Variants in ANKS1B observed in about 807,000 individuals in gnomAD.
ANKS1B encodes the protein ankyrin repeat and sterile alpha motif domain-containing protein 1B.
In ANKS1B, 36 loss-of-function variants were observed where a neutral mutation model predicts 148.3. The observed-to-expected ratio is 0.24, with a 90% confidence interval of 0.19 to 0.32. The LOEUF is 0.32. Among genes scored for constraint, ANKS1B ranks in the 10% least tolerant of loss-of-function variants. ANKS1B has a pLI of 1.00. For synonymous variants in ANKS1B, 542 were observed against 560.8 expected, an observed-to-expected ratio of 0.97 and a Z score of 0.47; for missense variants, 1,157 against 1,542.6, an observed-to-expected ratio of 0.75 and a Z score of 4.19.
chr12:99,824,342 A>G (rs940491891), intron 2 of ANKS1B, among the ~76,000 whole-genome samples: 5 of 152,082 alleles, frequency 3.3e-5, no homozygotes, highest in Non-Finnish European at 1.5e-5. Flanking sequence ...TCTACTAAAA[A>G]TACAAAAATT....
intron 1 of ANKS1B, among the ~76,000 whole-genome samples, chr12:99,848,348 A>C (rs1452672019): frequency 2.0e-5 from 3 of 152,208 alleles, no homozygotes; most frequent in Admixed American, 6.5e-5. Context: ...GAGAAAGAAC[A>C]GACCATGTAT....
At chr12:99,407,830 C>T (rs567624142) in intron 11 of ANKS1B, among the ~76,000 whole-genome samples, 2 of 145,618 alleles carry the variant, frequency 1.4e-5, no homozygotes, top group South Asian at 2.1e-4. Flanking sequence ...ACTATAAACA[C>T]GGATGAAAGA....
chr12:98,889,672 G>C (rs897754175), intron 17 of ANKS1B, among the ~76,000 whole-genome samples: 1 of 152,190 alleles, frequency 6.6e-6, no homozygotes, highest in African/African-American at 2.4e-5. Context: ...AGCTGCAGAA[G>C]TTTCTGGTTT....
intron 25 of ANKS1B, among the ~76,000 whole-genome samples, chr12:98,761,662 G>A (rs967777587): frequency 7.2e-5 from 11 of 152,262 alleles, no homozygotes; most frequent in South Asian, 2.1e-4. Flanking sequence ...TCTTCAATCC[G>A]TTATGGAATG....
intron 12 of ANKS1B, among the ~76,000 whole-genome samples, chr12:99,306,376 A>T (rs2082341009): frequency 6.6e-6 from 1 of 152,048 alleles, no homozygotes; most frequent in Non-Finnish European, 1.5e-5. Context: ...TTTACTAGGC[A>T]GGTTTTTCCA....
At chr12:98,742,270 T>A (rs902231200), downstream of ANKS1B, among the ~76,000 whole-genome samples, 1 of 152,036 alleles carries the variant, frequency 6.6e-6, no homozygotes, top group African/African-American at 2.4e-5. Context: ...GAAGGATGTC[T>A]TATTTCAGCC....
chr12:98,786,230 A>G (rs1233319434), intron 22 of ANKS1B, among the ~76,000 whole-genome samples: 2 of 152,250 alleles, frequency 1.3e-5, no homozygotes, highest in Non-Finnish European at 2.9e-5. Context: ...ATATTTAGTT[A>G]TATAGAGATG....
chr12:99,666,302 A>C (rs1048730233), intron 8 of ANKS1B, among the ~76,000 whole-genome samples: 2 of 152,230 alleles, frequency 1.3e-5, no homozygotes, highest in Non-Finnish European at 2.9e-5. Flanking sequence ...TATAAATTTT[A>C]GAGTAAGCTG....
In ANKS1B at chr12:99,770,749, C is replaced by G. The variant is rs576731404; in HGVS notation, c.1128+2173G>C. Among the ~76,000 whole-genome samples, 4 of 152,112 alleles carry G rather than the reference C, an allele frequency of 2.6e-5. 1 individual carries two copies. The South Asian group carries it at 6.2e-4, about 24-fold the overall frequency. On this transcript the variant is annotated intron_variant, in intron 8 of 26. Transcript: ENST00000683438. ...GACCTGACCTCAAACTACACTTCTACTCTCTCATCTTTCCCCTTTGTAAAC... is the reference window on the plus strand; with the variant it reads ...GACCTGACCTCAAACTACACTTCTAGTCTCTCATCTTTCCCCTTTGTAAAC...
chr12:98,948,917 T>G (rs1408118680), intron 17 of ANKS1B, among the ~76,000 whole-genome samples: 6 of 149,210 alleles, frequency 4.0e-5, no homozygotes, highest in Admixed American at 2.7e-4. Context: ...ATGGATATCT[T>G]CCAAAGGGGT....
chr12:98,869,901 T>C (rs2099644504), intron 17 of ANKS1B, among the ~76,000 whole-genome samples: 1 of 152,190 alleles, frequency 6.6e-6, no homozygotes, highest in Non-Finnish European at 1.5e-5. Context: ...TAAAACCTTC[T>C]GTTTCACATG....
At chr12:99,150,249 G>A (rs1389163713) in intron 15 of ANKS1B, among the ~76,000 whole-genome samples, 3 of 152,184 alleles carry the variant, frequency 2.0e-5, no homozygotes, top group African/African-American at 4.8e-5. Context: ...GCTGGGACTT[G>A]TGAGGAAAGC....
chr12:99,091,188 A>G (rs896833100), intron 15 of ANKS1B, among the ~76,000 whole-genome samples: 3 of 152,162 alleles, frequency 2.0e-5, no homozygotes, highest in African/African-American at 7.2e-5. Flanking sequence ...TTAATAAATT[A>G]TATCTTAAGG....
chr12:99,370,807 A>T (rs57922963), intron 12 of ANKS1B, among the ~76,000 whole-genome samples: 2 of 152,288 alleles, frequency 1.3e-5, no homozygotes, highest in African/African-American at 4.8e-5. Context: ...TCTTGGGGGA[A>T]ATTGTGCATT....
At chr12:98,976,449 T>A (rs1306604122) in intron 17 of ANKS1B, 2 of 152,232 alleles carry the variant, frequency 1.3e-5, no homozygotes, top group African/African-American at 4.8e-5. Flanking sequence ...ATATTCACTT[T>A]TATAATAAGG....
At chr12:99,817,885 C>T (rs1236326533) in intron 2 of ANKS1B, among the ~76,000 whole-genome samples, 3 of 151,486 alleles carry the variant, frequency 2.0e-5, no homozygotes, top group African/African-American at 4.8e-5. Context: ...TTTTTAGTTC[C>T]TTATATGTTC....
intron 15 of ANKS1B, among the ~76,000 whole-genome samples, chr12:99,085,564 A>G (rs1305242679): frequency 2.0e-5 from 3 of 152,122 alleles, no homozygotes; most frequent in Non-Finnish European, 2.9e-5. Context: ...GAGAGTTAAT[A>G]CTTAATTTCA....
At chr12:99,610,369 G>A (rs1355975442) in intron 9 of ANKS1B, among the ~76,000 whole-genome samples, 1 of 152,034 alleles carries the variant, frequency 6.6e-6, no homozygotes, top group Non-Finnish European at 1.5e-5. Context: ...TGGGTATAGG[G>A]CAAGACCCCT....
At chr12:99,399,864 C>T (rs1199524176) in intron 11 of ANKS1B, 53 bp from the exon 12 acceptor site, 3 of 1,543,930 alleles carry the variant, frequency 1.9e-6, no homozygotes, top group Admixed American at 3.4e-5. Context: ...TCATCTTCAG[C>T]CCAATCTCCC....
Sources: gnomAD v4.1 joint callset for allele counts (sites outside exome capture counted in the v4.1 genomes callset) on GRCh38, gnomAD v4.1.1 for gene constraint, MANE v1.5 for transcripts, NCBI Gene and HGNC (gene_info 2026-07-23, HGNC 2026-07-21) for gene names.